AAGAB: variants seen among roughly 807,000 people sequenced by gnomAD.
AAGAB encodes alpha and gamma adaptin binding protein, also known as alpha- and gamma-adaptin-binding protein p34.
A neutral mutation model predicts 44.1 loss-of-function variants in AAGAB; 38 were observed. The ratio of observed to expected loss-of-function variants is 0.86; its 90% CI spans 0.67 to 1.13. The LOEUF is 1.13. Among genes scored for constraint, AAGAB ranks in the 50% most tolerant of loss-of-function variants. The probability of loss-of-function intolerance (pLI) is 0.00; values close to 1 mark genes in which losing one functional copy is unlikely to be tolerated. For missense variants in AAGAB, 450 were observed against 373.8 expected (o/e 1.20, Z -1.68); for synonymous variants, 131 against 131.8 (o/e 0.99, Z 0.04).
At chr15:67,236,137 C>T (rs139725221) in intron 3 of AAGAB, 69 bp from the exon 4 acceptor site, 1 of 1,204,536 alleles carries the variant, frequency 8.3e-7, no homozygotes, top group East Asian at 2.4e-5. Flanking sequence ...CTGCAATATT[C>T]TTCACAAATC....
chr15:67,231,407 T>C (rs922154409), intron 5 of AAGAB, among the ~76,000 whole-genome samples: 2 of 152,224 alleles, frequency 1.3e-5, no homozygotes, highest in Non-Finnish European at 2.9e-5. Context: ...ACAACAGCCA[T>C]GTTTCTGATT....
intron 5 of AAGAB, among the ~76,000 whole-genome samples, chr15:67,230,200 A>T (rs981538050): frequency 6.6e-6 from 1 of 152,068 alleles, no homozygotes; most frequent in Non-Finnish European, 1.5e-5. Context: ...CACTCAGCAT[A>T]CTTGTTGAGG....
chr15:67,204,841 C>G (rs755666098), intron 7 of AAGAB, among the ~76,000 whole-genome samples: 1 of 152,238 alleles, frequency 6.6e-6, no homozygotes, highest in African/African-American at 2.4e-5. Flanking sequence ...CCCTGCCCAT[C>G]CCACTTTCAC....
At chr15:67,216,174 T>C (rs1437093786) in intron 5 of AAGAB, among the ~76,000 whole-genome samples, 1 of 152,064 alleles carries the variant, frequency 6.6e-6, no homozygotes, top group Non-Finnish European at 1.5e-5. Flanking sequence ...CCAGGCACGG[T>C]GGCTCACACC....
At chr15:67,223,866 G>A (rs527781600) in intron 5 of AAGAB, among the ~76,000 whole-genome samples, 1 of 152,246 alleles carries the variant, frequency 6.6e-6, no homozygotes, top group East Asian at 1.9e-4. Context: ...TGCACCAGGC[G>A]TGCTCTCACC....
intron 5 of AAGAB, among the ~76,000 whole-genome samples, chr15:67,210,717 T>C (rs138466817): frequency 6.6e-6 from 1 of 152,284 alleles, no homozygotes; most frequent in African/African-American, 2.4e-5. Context: ...AAAACTATCC[T>C]AGTATTCAAG....
rs186678289 is a variant in AAGAB, at chr15:67,229,511, T to C, written c.535+2303A>G. Reference sequence around the variant, plus strand: ...TTGTTCTTTCTAGATCTATCTAGATTGCTACATCAATAAAATAGAATCTAG... The same window carrying C: ...TTGTTCTTTCTAGATCTATCTAGATCGCTACATCAATAAAATAGAATCTAG... On this transcript the variant is annotated intron_variant, in intron 5 of 9. Transcript: ENST00000261880. Among the ~76,000 whole-genome samples the C allele has an allele frequency of 6.7e-3, 1,013 of 151,324 alleles. 7 individuals carry two copies. The highest frequency in any genetic ancestry group is 0.024 in the Middle Eastern group (7 of 290).
chr15:67,250,529 G>A (rs1964837944), intron 1 of AAGAB, among the ~76,000 whole-genome samples: 1 of 152,128 alleles, frequency 6.6e-6, no homozygotes, highest in African/African-American at 2.4e-5. Context: ...AGTATCTTAG[G>A]CATTATTTTA....
chr15:67,223,646 A>G (rs1294880298), intron 5 of AAGAB, among the ~76,000 whole-genome samples: 1 of 152,010 alleles, frequency 6.6e-6, no homozygotes, highest in South Asian at 2.1e-4. Context: ...CACCCTCATC[A>G]TCTACTCTCC....
chr15:67,205,626 G>T (rs1405534418), intron 7 of AAGAB, among the ~76,000 whole-genome samples: 1 of 152,192 alleles, frequency 6.6e-6, no homozygotes, highest in Non-Finnish European at 1.5e-5. Context: ...AAGAGGAATT[G>T]ATCTGTAACA....
At chr15:67,242,532 T>C (rs1040338646) in intron 1 of AAGAB, among the ~76,000 whole-genome samples, 4 of 151,112 alleles carry the variant, frequency 2.6e-5, no homozygotes, top group Admixed American at 2.6e-4. Flanking sequence ...GAGAATGTCA[T>C]ACAAGGTGGG....
At chr15:67,214,471 G>A (rs1963895285) in intron 5 of AAGAB, among the ~76,000 whole-genome samples, 1 of 152,150 alleles carries the variant, frequency 6.6e-6, no homozygotes, top group Non-Finnish European at 1.5e-5. Context: ...TTTGGTGTGT[G>A]GGTAGGTGGG....
chr15:67,207,568 T>C (rs973543962), intron 7 of AAGAB, among the ~76,000 whole-genome samples: 1 of 152,242 alleles, frequency 6.6e-6, no homozygotes, highest in African/African-American at 2.4e-5. Flanking sequence ...AAAATATCTA[T>C]ATATAAAATT....
At position 67,238,618 on chromosome 15, in the gene AAGAB, C is replaced by G. The variant is rs180825605; in HGVS notation, c.74-1798G>C. On this transcript the variant is annotated intron_variant, in intron 1 of 9. Transcript: ENST00000261880. ...TAAATACACATATAAAAGAAAGAAA[C>G]TAAAACAAGGAGCAAAGCAAAAAAA... is the stretch of plus-strand genomic sequence containing the variant. Among the ~76,000 whole-genome samples, 14 of 152,040 alleles carry G rather than the reference C, an allele frequency of 9.2e-5. No individual in the cohort carries two copies. The East Asian group carries it at 2.3e-3, about 25-fold the overall frequency.
rs1345852786 is a variant in AAGAB at position 67,203,559 on chromosome 15, G to C, written c.859C>G (p.His287Asp). The C allele has an allele frequency of 6.2e-7, 1 of 1,613,632 alleles. No individual in the cohort carries two copies. The highest frequency in any genetic ancestry group is 2.2e-5 in the East Asian group (1 of 44,866). The change falls in exon 9 of 10, where the codon CAT becomes GAT. Residue 287 changes from histidine (H) to aspartate (D), a missense_variant. Transcript: ENST00000261880. ...GCTGATTGTCTCACCTTTTCTGCAT[G>C]CACTTTTCTTTGCTCATGAGGAAGC... ...ATLPHEQRKV[H>D]AEKVAKAFWM...
At chr15:67,224,870 C>T (rs952461742) in intron 5 of AAGAB, among the ~76,000 whole-genome samples, 11 of 152,032 alleles carry the variant, frequency 7.2e-5, no homozygotes, top group Non-Finnish European at 1.2e-4. Context: ...CATGAGCCAC[C>T]GCACCTGGCC....
At chr15:67,216,766 G>GAA (rs201213148) in intron 5 of AAGAB, among the ~76,000 whole-genome samples, 8 of 144,098 alleles carry the variant, frequency 5.6e-5, no homozygotes, top group South Asian at 2.2e-4. Context: ...ACTTTACCAT[G>GAA]AAAAAAAAAA....
At chr15:67,226,452 G>A (rs918487359) in intron 5 of AAGAB, among the ~76,000 whole-genome samples, 2 of 151,970 alleles carry the variant, frequency 1.3e-5, no homozygotes, top group Admixed American at 6.6e-5. Context: ...GTTCTTACTG[G>A]CCATTTGTGT....
chr15:67,230,641 T>C (rs996100496), intron 5 of AAGAB, among the ~76,000 whole-genome samples: 7 of 152,220 alleles, frequency 4.6e-5, no homozygotes, highest in African/African-American at 1.4e-4. Flanking sequence ...AATGCATTCA[T>C]GCTGTTCTAT....
Sources: gnomAD v4.1 joint callset for allele counts (sites outside exome capture counted in the v4.1 genomes callset) on GRCh38, gnomAD v4.1.1 for gene constraint, MANE v1.5 for transcripts, NCBI Gene and HGNC (gene_info 2026-07-23, HGNC 2026-07-21) for gene names.